Variants in ACSL3 observed in about 807,000 individuals in gnomAD.
ACSL3 encodes the protein fatty acid CoA ligase Acsl3.
A neutral mutation model predicts 84.7 loss-of-function variants in ACSL3; 34 were observed. The observed-to-expected ratio is 0.40, with a 90% confidence interval of 0.31 to 0.53. The LOEUF (loss-of-function observed/expected upper bound fraction) is 0.53, where lower values mean the gene tolerates loss of function less well. Ranked by LOEUF, ACSL3 falls within the 20% of genes least tolerant of loss-of-function variation. The probability of loss-of-function intolerance (pLI) is 0.48; values close to 1 mark genes in which losing one functional copy is unlikely to be tolerated. For missense variants in ACSL3, 680 were observed against 873.1 expected (o/e 0.78, Z 2.79); for synonymous variants, 315 against 299.4 (o/e 1.05, Z -0.54).
chr2:222,864,330 C>T (rs1695083855), intron 1 of ACSL3, among the ~76,000 whole-genome samples: 1 of 151,790 alleles, frequency 6.6e-6, no homozygotes, highest in Non-Finnish European at 1.5e-5. Flanking sequence ...TGAAGACCTC[C>T]ATGTAGAGGC....
At chr2:222,864,662 G>GAA (rs1695094448) in intron 1 of ACSL3, among the ~76,000 whole-genome samples, 1 of 152,198 alleles carries the variant, frequency 6.6e-6, no homozygotes, top group African/African-American at 2.4e-5. Flanking sequence ...AACGGAGACA[G>GAA]AAACTGTTTC....
chr2:222,920,161 G>A (rs537014051), intron 7 of ACSL3, among the ~76,000 whole-genome samples: 1 of 152,294 alleles, frequency 6.6e-6, no homozygotes, highest in South Asian at 2.1e-4. Flanking sequence ...GGTGGTGTTG[G>A]AGAAGGGTGC....
At chr2:222,906,771 C>A (rs1351242553) in intron 3 of ACSL3, among the ~76,000 whole-genome samples, 2 of 152,058 alleles carry the variant, frequency 1.3e-5, no homozygotes, top group East Asian at 1.9e-4. Context: ...TGTACCATCA[C>A]GCCCAGCTAA....
At chr2:222,941,356 G>A (rs775575189) in intron 16 of ACSL3, 141 bp from the exon 17 acceptor site, 8 of 621,714 alleles carry the variant, frequency 1.3e-5, no homozygotes, top group Admixed American at 6.4e-5. Context: ...TGTATTTTGA[G>A]GAATAGATTC....
intron 3 of ACSL3, among the ~76,000 whole-genome samples, chr2:222,907,032 G>T (rs1356382829): frequency 6.6e-6 from 1 of 152,216 alleles, no homozygotes; most frequent in Non-Finnish European, 1.5e-5. Flanking sequence ...TCTCCAGCCT[G>T]TGCAGAACCT....
intron 1 of ACSL3, among the ~76,000 whole-genome samples, chr2:222,879,413 A>G (rs34640732): frequency 0.087 from 13,269 of 151,886 alleles, 885 homozygotes; most frequent in African/African-American, 0.18. Context: ...AACTCCCCCC[A>G]TATATTTCCT....
At chr2:222,933,041 T>C in intron 14 of ACSL3, 125 bp from the exon 15 acceptor site, 1 of 586,330 alleles carries the variant, frequency 1.7e-6, no homozygotes. Flanking sequence ...AATGCTTAAT[T>C]TTGCAAAGTT....
At position 222,927,101 on chromosome 2, in the gene ACSL3, G is replaced by A. The variant is rs147477718; in HGVS notation, c.1377G>A (p.Thr459=). The A allele has an allele frequency of 6.2e-7, 1 of 1,614,132 alleles. No individual in the cohort carries two copies. The highest frequency in any genetic ancestry group is 8.5e-7 in the Non-Finnish European group (1 of 1,179,992). ...GTGGCGCTCCACTTTCTGCAACCAC[G>A]CAGCGATTCATGAACATCTGTTTCT... is the stretch of plus-strand genomic sequence containing the variant. ...LCGGAPLSAT[T]QRFMNICFCC... is the part of the protein sequence containing the mutation. Residue 459 remains threonine (T), a synonymous_variant, in exon 12 of 17, where the codon ACG becomes ACA. Transcript: ENST00000357430.
At position 222,916,485 on chromosome 2, in the gene ACSL3, A is replaced by T. The variant is rs1696588411; in HGVS notation, c.545A>T (p.Tyr182Phe). ...WMIAAQACFM[Y>F]NFQLVTLYAT... ...ATAGCTGCACAGGCGTGTTTTATGT[A>T]TAATTTTCAGCGTATGTAGACTTTC... The change falls in exon 5 of 17, where the codon TAT becomes TTT. Residue 182 changes from tyrosine to phenylalanine, a missense_variant. Physicochemically the swap from Tyr to Phe is conservative, Grantham distance 22 (BLOSUM62 3). Around this residue, in one of 2 missense-constraint regions of ACSL3, gnomAD observed 333 missense variants for 347.5 expected, o/e 0.96. Coordinates refer to ENST00000357430, the MANE Select transcript of ACSL3 (RefSeq NM_004457.5). 6.3e-7 allele frequency: 1 copy of T among 1,596,536 alleles called. No homozygotes were observed. Among genetic ancestry groups the T allele is most frequent in the Non-Finnish European group, 8.5e-7 (1 of 1,171,286 alleles).
chr2:222,878,855 A>G (rs144171044), intron 1 of ACSL3, among the ~76,000 whole-genome samples: 2 of 152,264 alleles, frequency 1.3e-5, no homozygotes, highest in East Asian at 1.9e-4. Flanking sequence ...GACAGGTCCT[A>G]CTAATTTTAC....
intron 2 of ACSL3, among the ~76,000 whole-genome samples, chr2:222,890,320 G>T (rs115365997): frequency 0.012 from 1,799 of 152,200 alleles, 11 homozygotes; most frequent in Non-Finnish European, 0.019. Context: ...TATATAAATC[G>T]TTGAAATTAA....
intron 1 of ACSL3, among the ~76,000 whole-genome samples, chr2:222,882,525 A>G (rs1695615553): frequency 6.6e-6 from 1 of 152,154 alleles, no homozygotes; most frequent in Non-Finnish European, 1.5e-5. Context: ...TCAGATCATC[A>G]GGCATTAGAT....
chr2:222,930,586 T>C, intron 13 of ACSL3, 35 bp from the exon 14 acceptor site: 4 of 1,497,474 alleles, frequency 2.7e-6, no homozygotes, highest in Non-Finnish European at 3.6e-6. Context: ...GTGTTGTATT[T>C]AACTCAACTA....
rs368523270 is a variant in ACSL3, at chr2:222,888,473, CTA to C, written c.-148+587_-148+588del. Among the ~76,000 whole-genome samples, 71 of 152,272 alleles carry C rather than the reference CTA, an allele frequency of 4.7e-4. 1 individual carries two copies. Among genetic ancestry groups the C allele is most frequent in the Middle Eastern group, 6.8e-3 (2 of 294 alleles). ...GAGTAGGACTGCTGTAGGGAATAGT[CTA>C]TGTTGGTAAAGTGCTTTGATGATGA... On this transcript the variant is annotated intron_variant, in intron 2 of 16. Transcript: ENST00000357430.
intron 4 of ACSL3, among the ~76,000 whole-genome samples, chr2:222,915,636 T>A (rs776128601): frequency 2.0e-5 from 3 of 152,230 alleles, no homozygotes; most frequent in Non-Finnish European, 4.4e-5. Flanking sequence ...GCATATTTGG[T>A]ATTACCAGCA....
In ACSL3 at chr2:222,869,874, C is replaced by T. The variant is rs75670553; in HGVS notation, c.-207+8616C>T. Reference sequence around the variant, plus strand: ...ACTTGGAGGACAAAAGCAATTAAGACCTAGCGTAACCTCTTTATTTATTGA... The same window carrying T: ...ACTTGGAGGACAAAAGCAATTAAGATCTAGCGTAACCTCTTTATTTATTGA... On this transcript the variant is annotated intron_variant, in intron 1 of 16. Coordinates refer to ENST00000357430, the MANE Select transcript of ACSL3 (RefSeq NM_004457.5). Among the ~76,000 whole-genome samples the T allele has an allele frequency of 5.9e-5, 9 of 152,240 alleles. No individual in the cohort carries two copies. In the East Asian group the frequency reaches 1.7e-3, roughly 29 times the overall value.
chr2:222,923,291 G>C (rs146287451), intron 10 of ACSL3, 142 bp downstream of exon 10: 2 of 671,490 alleles, frequency 3.0e-6, no homozygotes, highest in African/African-American at 3.6e-5. Context: ...TGCCTTAGGC[G>C]CTATGGGATT....
intron 1 of ACSL3, among the ~76,000 whole-genome samples, chr2:222,875,818 A>T (rs762973676): frequency 5.9e-5 from 9 of 152,054 alleles, no homozygotes; most frequent in Non-Finnish European, 5.9e-5. Flanking sequence ...ATAATTCCTT[A>T]GCTTATTGCT....
chr2:222,868,161 G>A (rs1237825403), intron 1 of ACSL3, among the ~76,000 whole-genome samples: 2 of 152,026 alleles, frequency 1.3e-5, no homozygotes, highest in African/African-American at 4.8e-5. Context: ...CTGTATTTTA[G>A]TGTTTGTTTC....
Sources: gnomAD v4.1 joint callset for allele counts (sites outside exome capture counted in the v4.1 genomes callset) on GRCh38, gnomAD v4.1.1 for gene constraint, gnomAD v4.1.1 regional missense constraint, MANE v1.5 for transcripts, NCBI Gene and HGNC (gene_info 2026-07-23, HGNC 2026-07-21) for gene names.